The following ZNF407 variants were observed in gnomAD, a reference collection of about 807,000 sequenced individuals.
ZNF407 encodes the protein zinc finger protein 407.
In ZNF407, 17 loss-of-function variants were observed where a neutral mutation model predicts 131.2. That is an observed-to-expected ratio of 0.13 (90% confidence interval 0.09 to 0.19). The LOEUF is 0.19. Ranked by LOEUF, ZNF407 falls within the 10% of genes least tolerant of loss-of-function variation. The pLI is 1.00. For synonymous variants in ZNF407, 1,156 were observed against 1,062.0 expected (o/e 1.09, Z -1.72); for missense variants, 2,681 against 2,830.6 (o/e 0.95, Z 1.20).
At chr18:74,825,370 T>G (rs2554104) in intron 4 of ZNF407, among the ~76,000 whole-genome samples, 149,333 of 152,174 alleles carry the variant, frequency 0.98, 73,338 homozygotes, top group East Asian at 1. Flanking sequence ...AGAAATAAAG[T>G]GTATTCAAAT....
At chr18:74,630,167 CTTT>C (rs1183755965) in intron 1 of ZNF407, among the ~76,000 whole-genome samples, 2 of 120,268 alleles carry the variant, frequency 1.7e-5, no homozygotes, top group African/African-American at 6.3e-5. Flanking sequence ...ACAGTGGTGT[CTTT>C]TTTTTTTTTT....
At chr18:74,817,539 G>T (rs1458726376) in intron 4 of ZNF407, among the ~76,000 whole-genome samples, 1 of 152,056 alleles carries the variant, frequency 6.6e-6, no homozygotes, top group Non-Finnish European at 1.5e-5. Context: ...TACTATTTTA[G>T]TTTATAAAAT....
At chr18:74,814,345 G>A (rs922444302) in intron 4 of ZNF407, among the ~76,000 whole-genome samples, 1 of 152,030 alleles carries the variant, frequency 6.6e-6, no homozygotes, top group Non-Finnish European at 1.5e-5. Context: ...TGTTGGTCCT[G>A]AATTCCTGGC....
Position 74,632,064 on chromosome 18 carries a change from A to T in ZNF407, c.1045A>T (p.Met349Leu). The T allele has an allele frequency of 6.2e-7, 1 of 1,613,810 alleles. No homozygotes were observed. The highest frequency in any genetic ancestry group is 8.5e-7 in the Non-Finnish European group (1 of 1,179,832). Residue 349 changes from methionine to leucine, a missense_variant, in exon 2 of 9, where the codon ATG becomes TTG. By Grantham distance (15) the Met-to-Leu change is conservative (BLOSUM62 2). This residue lies in a region of ZNF407 where 1,789 missense variants were observed against 1,748.7 expected (regional missense o/e 1.02). Coordinates refer to ENST00000299687, the MANE Select transcript of ZNF407 (RefSeq NM_017757.3). ...GSSSELLVEM[M>L]PSRNTLSQEV... ...TAGCAGTGAGCTTCTTGTTGAAATG[A>T]TGCCTTCCAGAAATACTTTGTCACA...
chr18:74,952,553 G>A (rs1972227147), intron 8 of ZNF407, among the ~76,000 whole-genome samples: 2 of 152,218 alleles, frequency 1.3e-5, no homozygotes, highest in Non-Finnish European at 2.9e-5. Context: ...GTAATGCCAT[G>A]TTGGGAAAAG....
chr18:74,926,523 A>G (rs1480034120), intron 8 of ZNF407, among the ~76,000 whole-genome samples: 2 of 152,200 alleles, frequency 1.3e-5, no homozygotes, highest in African/African-American at 2.4e-5. Flanking sequence ...TAGTTTTACA[A>G]CCAGGCGTGG....
chr18:74,962,729 C>A (rs1215643641), intron 8 of ZNF407, among the ~76,000 whole-genome samples: 2 of 152,250 alleles, frequency 1.3e-5, no homozygotes. Context: ...TTCCAAGAGT[C>A]AATTCTGAAA....
chr18:74,718,826 G>A (rs886654133), intron 3 of ZNF407, among the ~76,000 whole-genome samples: 9 of 151,858 alleles, frequency 5.9e-5, no homozygotes, highest in East Asian at 3.9e-4. Context: ...AAGTAATTTC[G>A]TATCTCCTAT....
chr18:75,044,955 A>C (rs954325308), intron 8 of ZNF407, among the ~76,000 whole-genome samples: 1 of 152,194 alleles, frequency 6.6e-6, no homozygotes, highest in African/African-American at 2.4e-5. Context: ...TACAGCAAAG[A>C]ATTTCTTCTA....
At chr18:74,627,679 T>A (rs1482491492) in intron 1 of ZNF407, among the ~76,000 whole-genome samples, 2 of 152,140 alleles carry the variant, frequency 1.3e-5, no homozygotes, top group African/African-American at 4.8e-5. Flanking sequence ...TCTTGATTCT[T>A]TATAAACAAA....
In ZNF407 at chr18:74,703,494, G is replaced by A. The variant is rs1376336963; in HGVS notation, c.4802+62372G>A. The stretch of plus-strand genomic sequence containing the variant: ...CAGTTCTCCTGCCTCAGCCTCCAGA[G>A]TAGCTGGGATTACAGGTATACACCA... On this transcript the variant is annotated intron_variant, in intron 3 of 8. Transcript: ENST00000299687. The surrounding 1 kb of genome is among the most constrained non-coding windows in gnomAD (Gnocchi z 4.1). Among the ~76,000 whole-genome samples the A allele has an allele frequency of 6.6e-6, 1 of 152,150 alleles. No homozygotes were observed. Among genetic ancestry groups the A allele is most frequent in the Non-Finnish European group, 1.5e-5 (1 of 68,022 alleles).
Position 74,631,928 on chromosome 18 carries a change from A to G in ZNF407, c.909A>G (p.Ser303=). 1.2e-6 allele frequency: 2 copies of G among 1,614,006 alleles called. No individual in the cohort carries two copies. The highest frequency in any genetic ancestry group is 1.7e-6 in the Non-Finnish European group (2 of 1,179,896). The stretch of plus-strand genomic sequence containing the variant: ...CAATGGCAACAAAAAATGTTCACTC[A>G]AAACCAAGAACTTCTAAATCAATAG... ...SRTMATKNVH[S]KPRTSKSIAK... is the part of the protein sequence containing the mutation. The change falls in exon 2 of 9, where the codon TCA becomes TCG. Residue 303 remains serine (S), a synonymous_variant. Transcript: ENST00000299687.
chr18:74,747,717 A>G (rs1968703446), intron 3 of ZNF407, among the ~76,000 whole-genome samples: 1 of 152,148 alleles, frequency 6.6e-6, no homozygotes, highest in Admixed American at 6.6e-5. Flanking sequence ...GACGTTCAGC[A>G]CAAGTTTAGC....
At chr18:74,620,558 T>G (rs1049415550) in intron 1 of ZNF407, among the ~76,000 whole-genome samples, 2 of 152,248 alleles carry the variant, frequency 1.3e-5, no homozygotes, top group Middle Eastern at 3.2e-3. Context: ...ATAGAAACGA[T>G]ATTCTATTCC....
At chr18:74,854,030 A>G (rs1221382074) in intron 4 of ZNF407, among the ~76,000 whole-genome samples, 1 of 152,172 alleles carries the variant, frequency 6.6e-6, no homozygotes, top group South Asian at 2.1e-4. Context: ...TACCTGTCAC[A>G]TATATAATGG....
At chr18:74,824,896 C>CA (rs1970388511) in intron 4 of ZNF407, among the ~76,000 whole-genome samples, 1 of 152,146 alleles carries the variant, frequency 6.6e-6, no homozygotes, top group Admixed American at 6.5e-5. Context: ...CAAAACCTGT[C>CA]AGAGACACAA....
chr18:74,693,097 T>A (rs1344235611), intron 3 of ZNF407, among the ~76,000 whole-genome samples: 1 of 152,258 alleles, frequency 6.6e-6, no homozygotes, highest in Non-Finnish European at 1.5e-5. Context: ...GTTACAATTT[T>A]AGCTGATTTC....
At chr18:75,042,634 A>G (rs868476249) in intron 8 of ZNF407, among the ~76,000 whole-genome samples, 14 of 152,324 alleles carry the variant, frequency 9.2e-5, no homozygotes, top group African/African-American at 3.4e-4. Context: ...TTTTAGGTAT[A>G]CAGTTGGATG....
intron 4 of ZNF407, among the ~76,000 whole-genome samples, chr18:74,796,565 T>A (rs1048741701): frequency 2.6e-5 from 4 of 152,244 alleles, no homozygotes; most frequent in South Asian, 4.1e-4. Flanking sequence ...AGCATTGTCA[T>A]CTTTTCTCCT....
Sources: gnomAD v4.1 joint callset for allele counts (sites outside exome capture counted in the v4.1 genomes callset) on GRCh38, gnomAD v4.1.1 for gene constraint, gnomAD v4.1.1 regional missense constraint, Gnocchi (gnomAD v3.1) non-coding constraint, MANE v1.5 for transcripts, NCBI Gene and HGNC (gene_info 2026-07-23, HGNC 2026-07-21) for gene names.